EIPR1: variants seen among roughly 807,000 people sequenced by gnomAD.
The protein encoded by EIPR1 is EARP complex and GARP complex interacting protein 1.
EIPR1 carries 25 observed loss-of-function variants against 48.1 expected under a neutral mutation model. The ratio of observed to expected loss-of-function variants is 0.52; its 90% CI spans 0.38 to 0.73. The LOEUF (loss-of-function observed/expected upper bound fraction) is 0.73, where lower values mean the gene tolerates loss of function less well. Ranked by LOEUF, EIPR1 falls within the 30% of genes least tolerant of loss-of-function variation. EIPR1 has a pLI of 0.00. For missense variants in EIPR1, 415 were observed against 506.2 expected (o/e 0.82, Z 1.73); for synonymous variants, 204 against 201.9 (o/e 1.01, Z -0.09).
intron 3 of EIPR1, among the ~76,000 whole-genome samples, chr2:3,311,552 TATTC>T (rs1669128739): frequency 6.6e-6 from 1 of 152,238 alleles, no homozygotes; most frequent in African/African-American, 2.4e-5. Flanking sequence ...CTTTTTCTTC[TATTC>T]ATTTAGTTCA....
chr2:3,327,360 T>G (rs956301875), intron 3 of EIPR1, among the ~76,000 whole-genome samples: 1 of 152,090 alleles, frequency 6.6e-6, no homozygotes, highest in Non-Finnish European at 1.5e-5. Flanking sequence ...ATTTTTGTAT[T>G]TTTAGTAGAG....
intron 6 of EIPR1, 129 bp downstream of exon 6, chr2:3,196,752 C>A: frequency 7.4e-7 from 1 of 1,355,336 alleles, no homozygotes; most frequent in East Asian, 2.6e-5. Context: ...TGATTTCCTA[C>A]AAAAACGAGA....
chr2:3,333,006 T>G (rs1218668723), intron 3 of EIPR1, among the ~76,000 whole-genome samples: 1 of 152,208 alleles, frequency 6.6e-6, no homozygotes, highest in East Asian at 1.9e-4. Context: ...TTTCTATCAT[T>G]TTCTAAGACA....
chr2:3,248,856 C>T (rs1666920329), intron 4 of EIPR1, among the ~76,000 whole-genome samples: 1 of 152,190 alleles, frequency 6.6e-6, no homozygotes, highest in Admixed American at 6.5e-5. Context: ...ATGTGATGCA[C>T]TGGGCCCCTT....
intron 3 of EIPR1, among the ~76,000 whole-genome samples, chr2:3,269,281 GGCACTCAGTCATGGCACTCAGTCATC>G (rs1667598376): frequency 4.3e-5 from 2 of 46,464 alleles, no homozygotes; most frequent in Admixed American, 2.8e-4. Flanking sequence ...ACTCAGTCAT[GGCACTCAGTCATGGCACTCAGTCATC>G]GCACTCAGTC....
chr2:3,210,454 CA>C (rs1479688421), intron 5 of EIPR1, among the ~76,000 whole-genome samples: 2 of 152,072 alleles, frequency 1.3e-5, no homozygotes, highest in African/African-American at 4.8e-5. Flanking sequence ...AATGGACAGA[CA>C]TTGGGACAAG....
intron 2 of EIPR1, among the ~76,000 whole-genome samples, chr2:3,347,877 G>T (rs1193608548): frequency 1.2e-4 from 18 of 152,210 alleles, no homozygotes; most frequent in Non-Finnish European, 2.9e-5. Flanking sequence ...AGGAAGCCAG[G>T]CTACCCTGTG....
At chr2:3,277,187 C>T (rs1025095615) in intron 3 of EIPR1, among the ~76,000 whole-genome samples, 4 of 151,778 alleles carry the variant, frequency 2.6e-5, no homozygotes, top group South Asian at 2.1e-4. Context: ...TCCACCCACG[C>T]GGCCCCACAC....
chr2:3,251,496 A>T (rs1276719767), intron 4 of EIPR1, among the ~76,000 whole-genome samples: 1 of 152,162 alleles, frequency 6.6e-6, no homozygotes, highest in Non-Finnish European at 1.5e-5. Context: ...CACACAAGGG[A>T]ACAAGGCCTC....
intron 3 of EIPR1, among the ~76,000 whole-genome samples, chr2:3,326,992 C>A (rs1669717076): frequency 6.6e-6 from 1 of 152,236 alleles, no homozygotes; most frequent in African/African-American, 2.4e-5. Context: ...GGCCAGGGTG[C>A]TTGGCACAGA....
At chr2:3,235,523 C>T (rs1666380320) in intron 4 of EIPR1, among the ~76,000 whole-genome samples, 1 of 152,168 alleles carries the variant, frequency 6.6e-6, no homozygotes, top group South Asian at 2.1e-4. Context: ...CTCAAGTGGG[C>T]CAGGTCCTTC....
chr2:3,374,765 C>A, intron 1 of EIPR1, among the ~76,000 whole-genome samples: 2 of 144,170 alleles, frequency 1.4e-5, no homozygotes, highest in African/African-American at 5.2e-5. Flanking sequence ...AATAGGAACA[C>A]TTTTACACTG....
At chr2:3,319,237 T>G in intron 3 of EIPR1, 1 of 329,430 alleles carries the variant, frequency 3.0e-6, no homozygotes, top group African/African-American at 2.1e-5. Flanking sequence ...AGCAGCATCC[T>G]TGAAGCCTTG....
At chr2:3,242,715 T>G (rs1027273377) in intron 4 of EIPR1, among the ~76,000 whole-genome samples, 6 of 152,258 alleles carry the variant, frequency 3.9e-5, no homozygotes, top group Non-Finnish European at 8.8e-5. Context: ...TATGTATCTA[T>G]CCAATGATGG....
chr2:3,336,150 G>A (rs1670035647), intron 3 of EIPR1, among the ~76,000 whole-genome samples: 1 of 152,220 alleles, frequency 6.6e-6, no homozygotes, highest in Non-Finnish European at 1.5e-5. Context: ...CAAGGATGAA[G>A]GGGGCAGTCC....
At chr2:3,336,218 A>G (rs1670036940) in intron 3 of EIPR1, among the ~76,000 whole-genome samples, 1 of 152,248 alleles carries the variant, frequency 6.6e-6, no homozygotes, top group Admixed American at 6.5e-5. Flanking sequence ...AAAGATCTGC[A>G]GTTATGCTCT....
chr2:3,354,901 A>C (rs1670684215), intron 1 of EIPR1, among the ~76,000 whole-genome samples: 1 of 152,268 alleles, frequency 6.6e-6, no homozygotes, highest in African/African-American at 2.4e-5. Context: ...CTACACATCA[A>C]TGTTTAAATT....
chr2:3,293,139 T>C (rs1269519718), intron 3 of EIPR1, among the ~76,000 whole-genome samples: 1 of 152,242 alleles, frequency 6.6e-6, no homozygotes, highest in Non-Finnish European at 1.5e-5. Flanking sequence ...ACTATCACCC[T>C]ACAATCTATA....
rs1387474489 is a variant in EIPR1 at position 3,286,595 on chromosome 2, T to TCATATGC, written c.260-29147_260-29141dup. Among the ~76,000 whole-genome samples, 2 of 152,168 alleles carry TCATATGC rather than the reference T, an allele frequency of 1.3e-5. No homozygotes were observed. Among genetic ancestry groups the TCATATGC allele is most frequent in the Non-Finnish European group, 2.9e-5 (2 of 68,020 alleles). ...CGTTTTCATAAGCACTTGTCATATGTCATATGCAGTGTGCTCCAGGGGAGC... is the reference window on the plus strand; with the variant it reads ...CGTTTTCATAAGCACTTGTCATATGTCATATGCCATATGCAGTGTGCTCCAGGGGAGC... On this transcript the variant is annotated intron_variant, in intron 3 of 8. Coordinates refer to ENST00000382125, the MANE Select transcript of EIPR1 (RefSeq NM_003310.5). This position sits in a 1 kb window ranked among gnomAD's most constrained non-coding sequence, Gnocchi z 4.2.
Sources: allele counts gnomAD v4.1 joint callset (sites outside exome capture counted in the v4.1 genomes callset), GRCh38; gene constraint gnomAD v4.1.1; non-coding constraint Gnocchi (gnomAD v3.1); transcripts MANE v1.5; gene names NCBI Gene and HGNC (gene_info 2026-07-23, HGNC 2026-07-21).